The following NEURL1 variants were observed in gnomAD, a reference collection of about 807,000 sequenced individuals.
NEURL1 encodes E3 ubiquitin-protein ligase NEURL1.
A neutral mutation model predicts 41.2 loss-of-function variants in NEURL1; 26 were observed. The observed-to-expected ratio is 0.63, with a 90% CI of 0.46 to 0.87. The LOEUF (loss-of-function observed/expected upper bound fraction) is 0.87, where lower values mean the gene tolerates loss of function less well. NEURL1 is among the 40% of genes least tolerant of loss of function. NEURL1 has a pLI of 0.00. For missense variants in NEURL1, 761 were observed against 871.1 expected (o/e 0.87, Z 1.59); for synonymous variants, 400 against 402.3 (o/e 0.99, Z 0.07).
At chr10:103,520,846 G>A (rs770337200) in intron 1 of NEURL1, among the ~76,000 whole-genome samples, 25 of 152,118 alleles carry the variant, frequency 1.6e-4, no homozygotes, top group African/African-American at 6.0e-4. Context: ...ATATTGTGGG[G>A]TTGTTAGAAG....
intron 1 of NEURL1, among the ~76,000 whole-genome samples, chr10:103,534,443 TG>T (rs1213756464): frequency 6.6e-6 from 1 of 152,190 alleles, no homozygotes; most frequent in Non-Finnish European, 1.5e-5. Flanking sequence ...TGGGTTGTAG[TG>T]TGCCAGTTGG....
At chr10:103,518,616 A>G (rs575205222) in intron 1 of NEURL1, among the ~76,000 whole-genome samples, 74 of 152,296 alleles carry the variant, frequency 4.9e-4, no homozygotes, top group African/African-American at 1.7e-3. Context: ...GGTCTGGGGA[A>G]CAGCACTTTG....
At chr10:103,572,387 T>G (rs1287659947) in intron 3 of NEURL1, among the ~76,000 whole-genome samples, 4 of 152,184 alleles carry the variant, frequency 2.6e-5, no homozygotes, top group African/African-American at 9.6e-5. Flanking sequence ...CCCACCCCAG[T>G]GCCTTTTGCA....
At chr10:103,582,339 C>T (rs1480279286) in intron 3 of NEURL1, among the ~76,000 whole-genome samples, 1 of 152,164 alleles carries the variant, frequency 6.6e-6, no homozygotes, top group Non-Finnish European at 1.5e-5. Flanking sequence ...TCCTACCTCC[C>T]CCCTGCACAG....
intron 4 of NEURL1, among the ~76,000 whole-genome samples, chr10:103,585,570 C>G (rs7100958): frequency 6.6e-6 from 1 of 152,072 alleles, no homozygotes; most frequent in Admixed American, 6.5e-5. Flanking sequence ...TGCGGTGGCT[C>G]ACGCCTGTAA....
chr10:103,587,326 G>A (rs1446785406), intron 4 of NEURL1, among the ~76,000 whole-genome samples: 2 of 152,218 alleles, frequency 1.3e-5, no homozygotes, highest in East Asian at 3.9e-4. Flanking sequence ...TGCCCAAAGA[G>A]GTTTACTAGA....
At chr10:103,578,224 G>A (rs940012439) in intron 3 of NEURL1, among the ~76,000 whole-genome samples, 3 of 152,146 alleles carry the variant, frequency 2.0e-5, no homozygotes, top group African/African-American at 7.2e-5. Flanking sequence ...ATGTGGAAAG[G>A]CATTTACACA....
intron 1 of NEURL1, among the ~76,000 whole-genome samples, chr10:103,499,334 G>A (rs1213204142): frequency 1.3e-5 from 2 of 152,260 alleles, no homozygotes; most frequent in Non-Finnish European, 2.9e-5. Flanking sequence ...GATGAGAGCA[G>A]GGGCAGGGGA....
At chr10:103,573,354 C>A (rs1296149458) in intron 3 of NEURL1, among the ~76,000 whole-genome samples, 1 of 152,026 alleles carries the variant, frequency 6.6e-6, no homozygotes, top group Non-Finnish European at 1.5e-5. Flanking sequence ...CTACAGAGAC[C>A]GGCAGATCCT....
intron 1 of NEURL1, among the ~76,000 whole-genome samples, chr10:103,542,798 T>C (rs2034846960): frequency 6.6e-6 from 1 of 152,150 alleles, no homozygotes; most frequent in Admixed American, 6.5e-5. Context: ...ACTGAAACAG[T>C]TCGTGAGTGC....
chr10:103,556,404 C>T lies in NEURL1; in HGVS notation c.86-14468C>T, dbSNP rs1207119834. Among the ~76,000 whole-genome samples, 1 of 152,018 alleles carries T rather than the reference C, an allele frequency of 6.6e-6. No individual in the cohort carries two copies. Among genetic ancestry groups the T allele is most frequent in the African/African-American group, 2.4e-5 (1 of 41,372 alleles). ...AGTCCCTGACGCACTCCCCTATGTA[C>T]CCTGCTCCCTGCTTGGATGGGGTAT... On this transcript the variant is annotated intron_variant, in intron 1 of 5. Coordinates refer to ENST00000369780, the MANE Select transcript of NEURL1 (RefSeq NM_004210.5). This position sits in a 1 kb window ranked among gnomAD's most constrained non-coding sequence, Gnocchi z 4.4.
chr10:103,570,058 G>A (rs957311947), intron 1 of NEURL1, among the ~76,000 whole-genome samples: 3 of 152,228 alleles, frequency 2.0e-5, no homozygotes, highest in Non-Finnish European at 4.4e-5. Context: ...CCAATGCCGA[G>A]CTCTTTGCAT....
At chr10:103,526,327 AGAT>A (rs751107610) in intron 1 of NEURL1, among the ~76,000 whole-genome samples, 17 of 152,108 alleles carry the variant, frequency 1.1e-4, no homozygotes, top group Non-Finnish European at 1.9e-4. Context: ...GTTTTTCTTC[AGAT>A]GTTTGGTAGA....
chr10:103,584,454 G>A (rs1430472664), intron 3 of NEURL1, 82 bp from the exon 4 acceptor site: 4 of 901,102 alleles, frequency 4.4e-6, no homozygotes, highest in Non-Finnish European at 5.9e-6. Flanking sequence ...GTAACGGTGC[G>A]CGCGTAGGGA....
At chr10:103,565,892 A>G (rs2035413768) in intron 1 of NEURL1, among the ~76,000 whole-genome samples, 1 of 152,108 alleles carries the variant, frequency 6.6e-6, no homozygotes, top group Admixed American at 6.5e-5. Context: ...GGCTCATGTG[A>G]TCAGCCTGCC....
At chr10:103,586,636 A>G (rs2035930231) in intron 4 of NEURL1, among the ~76,000 whole-genome samples, 1 of 152,234 alleles carries the variant, frequency 6.6e-6, no homozygotes, top group African/African-American at 2.4e-5. Flanking sequence ...CTGAATACAC[A>G]TATGTTAATG....
At chr10:103,503,991 AT>A in intron 1 of NEURL1, among the ~76,000 whole-genome samples, 1 of 147,132 alleles carries the variant, frequency 6.8e-6, no homozygotes, top group South Asian at 2.2e-4. Context: ...TTATTTATTT[AT>A]TTATTTATTT....
At chr10:103,579,318 T>C (rs544803162) in intron 3 of NEURL1, among the ~76,000 whole-genome samples, 122 of 152,304 alleles carry the variant, frequency 8.0e-4, no homozygotes, top group Non-Finnish European at 1.5e-3. Context: ...TAGCCCACTC[T>C]GAAACAGGAA....
At chr10:103,581,211 G>T (rs2035778177) in intron 3 of NEURL1, among the ~76,000 whole-genome samples, 2 of 152,190 alleles carry the variant, frequency 1.3e-5, no homozygotes, top group South Asian at 4.1e-4. Flanking sequence ...GAGGAAGGTT[G>T]CTTACCCAAA....
Sources: allele counts gnomAD v4.1 joint callset (sites outside exome capture counted in the v4.1 genomes callset), GRCh38; gene constraint gnomAD v4.1.1; non-coding constraint Gnocchi (gnomAD v3.1); transcripts MANE v1.5; gene names NCBI Gene and HGNC (gene_info 2026-07-23, HGNC 2026-07-21).